CNTLN: variants seen among roughly 807,000 people sequenced by gnomAD.
CNTLN encodes the protein centlein.
Under a neutral mutation model 180.0 loss-of-function variants are expected in CNTLN, and 212 were observed. That is an observed-to-expected ratio of 1.18 (90% CI 1.05 to 1.32). The LOEUF (loss-of-function observed/expected upper bound fraction) is 1.32. Among genes scored for constraint, CNTLN ranks in the 40% most tolerant of loss-of-function variants. The pLI is 0.00. For missense variants in CNTLN, 2,095 were observed against 1,610.9 expected, an observed-to-expected ratio of 1.30 and a Z score of -5.14; for synonymous variants, 722 against 563.1, an observed-to-expected ratio of 1.28 and a Z score of -3.99.
chr9:17,241,105 A>G (rs768666178), intron 5 of CNTLN, among the ~76,000 whole-genome samples: 4 of 152,066 alleles, frequency 2.6e-5, no homozygotes, highest in African/African-American at 7.2e-5. Context: ...TGATCCGCCC[A>G]CCTTGGCCTC....
intron 18 of CNTLN, among the ~76,000 whole-genome samples, chr9:17,437,877 C>T (rs1176866970): frequency 2.0e-5 from 3 of 152,022 alleles, no homozygotes; most frequent in Admixed American, 6.6e-5. Context: ...GAGAGTTATT[C>T]GTTCCTGTCA....
At chr9:17,163,547 C>A (rs902738889) in intron 2 of CNTLN, among the ~76,000 whole-genome samples, 1 of 152,054 alleles carries the variant, frequency 6.6e-6, no homozygotes, top group African/African-American at 2.4e-5. Flanking sequence ...AGTTTGTTGC[C>A]TTTTCCATTG....
At chr9:17,457,370 G>A (rs992707940) in intron 18 of CNTLN, among the ~76,000 whole-genome samples, 154 bp from the exon 19 acceptor site, 1 of 151,918 alleles carries the variant, frequency 6.6e-6, no homozygotes, top group African/African-American at 2.4e-5. Flanking sequence ...TCTAGTAGAG[G>A]TTAAGATTTT....
At chr9:17,155,392 TCAGA>T (rs1459547279) in intron 2 of CNTLN, among the ~76,000 whole-genome samples, 4 of 152,172 alleles carry the variant, frequency 2.6e-5, no homozygotes, top group African/African-American at 9.6e-5. Flanking sequence ...TTTAGAGCTG[TCAGA>T]CAGGGATGTT....
At chr9:17,143,257 A>G (rs375484232) in intron 1 of CNTLN, 31 bp from the exon 2 acceptor site, 7 of 1,478,216 alleles carry the variant, frequency 4.7e-6, no homozygotes, top group Non-Finnish European at 6.6e-6. Flanking sequence ...CTACAAAGCA[A>G]TGCATCTAAA....
At chr9:17,198,427 TCAG>T (rs1319347909) in intron 2 of CNTLN, among the ~76,000 whole-genome samples, 2 of 148,738 alleles carry the variant, frequency 1.3e-5, no homozygotes. Context: ...GTTTCTTTAA[TCAG>T]TGTTCTATAG....
At chr9:17,436,104 A>G (rs1216331312) in intron 18 of CNTLN, among the ~76,000 whole-genome samples, 1 of 152,218 alleles carries the variant, frequency 6.6e-6, no homozygotes, top group Non-Finnish European at 1.5e-5. Flanking sequence ...TAAAAGCAAG[A>G]ATATGCTTTA....
At chr9:17,319,485 C>T (rs1819759852) in intron 8 of CNTLN, among the ~76,000 whole-genome samples, 1 of 152,026 alleles carries the variant, frequency 6.6e-6, no homozygotes, top group South Asian at 2.1e-4. Context: ...TTTGTAAATA[C>T]TTCTAGTGGG....
rs72709718 is a variant in CNTLN, at chr9:17,490,757, C to G, written c.4119+3691C>G. 6.4e-3 allele frequency among the ~76,000 whole-genome samples: 977 copies of G among 151,754 alleles called. 5 individuals carry two copies. Among genetic ancestry groups the G allele is most frequent in the Non-Finnish European group, 8.5e-3 (577 of 67,880 alleles). On this transcript the variant is annotated intron_variant, in intron 25 of 25. Transcript: ENST00000380647. The stretch of plus-strand genomic sequence containing the variant: ...TATCTCCACTTAAAACAGTTAACTC[C>G]TTGATAATGGAAAATATTACAAAAA...
chr9:17,312,553 A>ATTTTTTTTTTT (rs56915301), intron 8 of CNTLN, among the ~76,000 whole-genome samples: 2 of 100,422 alleles, frequency 2.0e-5, no homozygotes, highest in African/African-American at 3.7e-5. Context: ...AGCCCGGCTA[A>ATTTTTTTTTTT]TTTTTTTTTT....
the CNTLN span, among the ~76,000 whole-genome samples, chr9:17,511,504 T>C: frequency 6.6e-6 from 1 of 152,196 alleles, no homozygotes; most frequent in Non-Finnish European, 1.5e-5. Flanking sequence ...ATATGGCTGT[T>C]GGCAGGATTC....
chr9:17,240,600 T>G (rs762220150), intron 5 of CNTLN, among the ~76,000 whole-genome samples: 2 of 152,224 alleles, frequency 1.3e-5, no homozygotes, highest in Non-Finnish European at 2.9e-5. Context: ...TAAAATCAGA[T>G]AATTAGATTT....
In CNTLN at chr9:17,235,744, A is replaced by G; in HGVS notation, c.621A>G (p.Glu207=). 6.2e-7 allele frequency: 1 copy of G among 1,606,386 alleles called. No homozygotes were observed. The highest frequency in any genetic ancestry group is 8.5e-7 in the Non-Finnish European group (1 of 1,177,026). ...VDEENAFLRK[E]FSDLEKKFKD... Reference sequence around the variant, plus strand: ...AAGAAAATGCTTTCTTAAGGAAAGAATTCAGTGACTTGGAGAAGAAATTTA... The same window carrying G: ...AAGAAAATGCTTTCTTAAGGAAAGAGTTCAGTGACTTGGAGAAGAAATTTA... The change falls in exon 4 of 26, where the codon GAA becomes GAG. Residue 207 remains glutamate (E), a synonymous_variant. Coordinates refer to ENST00000380647, the MANE Select transcript of CNTLN (RefSeq NM_017738.4).
chr9:17,510,816 A>G, the CNTLN span, among the ~76,000 whole-genome samples: 83 of 152,356 alleles, frequency 5.4e-4, no homozygotes, highest in African/African-American at 1.8e-3. Context: ...TGGCTATTGC[A>G]TATAAAGCTA....
intron 5 of CNTLN, among the ~76,000 whole-genome samples, chr9:17,238,068 G>C (rs1825265395): frequency 6.6e-6 from 1 of 152,026 alleles, no homozygotes; most frequent in Non-Finnish European, 1.5e-5. Flanking sequence ...TGAATAATCA[G>C]TTCTGGGATT....
In CNTLN at chr9:17,394,483, A is replaced by G. The variant is rs372076037; in HGVS notation, c.2080-51A>G. ...CATAAGTTAGAAATGGTAATAAAGT[A>G]TAGTAGATTATGGTTTTTGGATTCT... is the stretch of plus-strand genomic sequence containing the variant. On this transcript the variant is annotated intron_variant, in intron 14 of 25. Coordinates refer to ENST00000380647, the MANE Select transcript of CNTLN (RefSeq NM_017738.4). 9.1e-6 allele frequency: 11 copies of G among 1,210,868 alleles called. No homozygotes were observed. The African/African-American group carries it at 1.5e-4, about 17-fold the overall frequency. 75.0% of individuals were successfully genotyped at this position (1,210,868 alleles called of 1,614,324 possible).
chr9:17,212,852 A>G (rs1303392584), intron 2 of CNTLN, among the ~76,000 whole-genome samples: 3 of 152,266 alleles, frequency 2.0e-5, no homozygotes, highest in East Asian at 1.9e-4. Flanking sequence ...AGATGTGTTT[A>G]TAGTATTCTC....
intron 25 of CNTLN, among the ~76,000 whole-genome samples, chr9:17,493,892 T>TA (rs1833302533): frequency 6.6e-6 from 1 of 152,196 alleles, no homozygotes; most frequent in Non-Finnish European, 1.5e-5. Context: ...ACAGTAAACT[T>TA]ACAATGGCTT....
chr9:17,280,096 T>C (rs943196119), intron 6 of CNTLN, among the ~76,000 whole-genome samples: 4 of 152,196 alleles, frequency 2.6e-5, no homozygotes, highest in African/African-American at 9.6e-5. Context: ...AATTCCTTTT[T>C]CTTTATAAAT....
Sources: gnomAD v4.1 joint callset for allele counts (sites outside exome capture counted in the v4.1 genomes callset) on GRCh38, gnomAD v4.1.1 for gene constraint, MANE v1.5 for transcripts, NCBI Gene and HGNC (gene_info 2026-07-23, HGNC 2026-07-21) for gene names.